RBFOX1: variants seen among roughly 807,000 people sequenced by gnomAD.
The protein encoded by RBFOX1 is RNA binding fox-1 homolog 1.
In RBFOX1, 8 loss-of-function variants were observed where a neutral mutation model predicts 57.7. That is an observed-to-expected ratio of 0.14 (90% CI 0.08 to 0.25). The LOEUF is 0.25. Among genes scored for constraint, RBFOX1 ranks in the 10% least tolerant of loss-of-function variants. The probability of loss-of-function intolerance (pLI) is 1.00; values close to 1 mark genes in which losing one functional copy is unlikely to be tolerated. For synonymous variants in RBFOX1, 326 were observed against 222.4 expected (o/e 1.47, Z -4.15); for missense variants, 611 against 548.5 (o/e 1.11, Z -1.14).
intron 1 of RBFOX1, among the ~76,000 whole-genome samples, chr16:5,408,092 T>C (rs1795626309): frequency 6.6e-6 from 1 of 152,176 alleles, no homozygotes; most frequent in Non-Finnish European, 1.5e-5. Context: ...TAGTGAATTA[T>C]CTTTGATGTG....
intron 2 of RBFOX1, among the ~76,000 whole-genome samples, chr16:6,626,529 G>A (rs1242825417): frequency 6.6e-6 from 1 of 152,206 alleles, no homozygotes; most frequent in Non-Finnish European, 1.5e-5. Flanking sequence ...GGAGGCCGAG[G>A]CAGGCGGATC....
intron 4 of RBFOX1, among the ~76,000 whole-genome samples, chr16:7,159,064 C>T (rs2077736596): frequency 6.6e-6 from 1 of 151,904 alleles, no homozygotes; most frequent in South Asian, 2.1e-4. Flanking sequence ...ACCTGTTCTT[C>T]ACTTCTGAAG....
At chr16:5,727,569 C>G (rs182164182) in intron 3 of RBFOX1, among the ~76,000 whole-genome samples, 2 of 152,136 alleles carry the variant, frequency 1.3e-5, no homozygotes, top group Non-Finnish European at 2.9e-5. Flanking sequence ...GATGTATATC[C>G]GGTCTCCAGA....
rs75315864 is a variant in RBFOX1, at chr16:7,322,333, C to A, written c.28-195814C>A. On this transcript the variant is annotated intron_variant, in intron 4 of 15. Transcript: ENST00000550418. ...TGCCACCTTGAAAACCTGCCCCCTG[C>A]CAAGCTGTGGTGAATGCTGACTGGC... 2.2e-4 allele frequency among the ~76,000 whole-genome samples: 34 copies of A among 152,362 alleles called. No homozygotes were observed. In the East Asian group the frequency reaches 6.0e-3, roughly 27 times the overall value.
At chr16:7,435,045 T>C (rs555795392) in intron 4 of RBFOX1, among the ~76,000 whole-genome samples, 28 of 152,214 alleles carry the variant, frequency 1.8e-4, no homozygotes, top group Non-Finnish European at 2.1e-4. Flanking sequence ...ATTTTACATA[T>C]GGTACGTTTA....
intron 4 of RBFOX1, among the ~76,000 whole-genome samples, chr16:7,286,185 T>C (rs1265528049): frequency 6.6e-6 from 1 of 152,184 alleles, no homozygotes; most frequent in Non-Finnish European, 1.5e-5. Context: ...GTAAATCATG[T>C]TCAGAATGTC....
At chr16:6,471,261 A>C (rs1230530663) in intron 2 of RBFOX1, among the ~76,000 whole-genome samples, 1 of 152,178 alleles carries the variant, frequency 6.6e-6, no homozygotes, top group Non-Finnish European at 1.5e-5. Context: ...GATCCAACTC[A>C]AGCATCATCA....
At chr16:5,768,966 A>T (rs1328758155) in intron 3 of RBFOX1, among the ~76,000 whole-genome samples, 1 of 152,116 alleles carries the variant, frequency 6.6e-6, no homozygotes, top group African/African-American at 2.4e-5. Context: ...AGGCAGTGGG[A>T]TAGAGAAGAA....
intron 3 of RBFOX1, among the ~76,000 whole-genome samples, chr16:5,637,972 C>T (rs903787600): frequency 1.3e-5 from 2 of 152,240 alleles, no homozygotes; most frequent in African/African-American, 4.8e-5. Context: ...AGTATTTCTA[C>T]TCTGATGATG....
At chr16:5,351,218 C>G (rs1393298874) in intron 1 of RBFOX1, among the ~76,000 whole-genome samples, 2 of 152,216 alleles carry the variant, frequency 1.3e-5, no homozygotes, top group African/African-American at 4.8e-5. Context: ...GTGCCAGACA[C>G]TGCCTGAAGC....
chr16:6,849,654 G>T (rs531288919), intron 3 of RBFOX1, among the ~76,000 whole-genome samples: 1 of 152,102 alleles, frequency 6.6e-6, no homozygotes, highest in South Asian at 2.1e-4. Context: ...GGGCAAGAAA[G>T]CAAGACTCCA....
intron 2 of RBFOX1, among the ~76,000 whole-genome samples, chr16:6,572,863 G>A (rs1448934977): frequency 2.0e-5 from 3 of 152,108 alleles, no homozygotes; most frequent in Middle Eastern, 3.2e-3. Flanking sequence ...CAAAGTGTTG[G>A]GATTTCAGGA....
chr16:5,620,853 A>AT (rs1330847830), intron 3 of RBFOX1, among the ~76,000 whole-genome samples: 2 of 151,664 alleles, frequency 1.3e-5, no homozygotes, highest in Non-Finnish European at 2.9e-5. Flanking sequence ...TTTTATTTGT[A>AT]TTTTTTTGAG....
chr16:6,823,093 C>G (rs1449824192), intron 3 of RBFOX1, among the ~76,000 whole-genome samples: 1 of 152,042 alleles, frequency 6.6e-6, no homozygotes, highest in Non-Finnish European at 1.5e-5. Context: ...AGATGGGAGA[C>G]TGAGCATCAG....
intron 2 of RBFOX1, among the ~76,000 whole-genome samples, chr16:5,509,915 G>A (rs963016563): frequency 6.6e-6 from 1 of 152,200 alleles, no homozygotes. Flanking sequence ...AAGAGAGTTT[G>A]CTTGTCCTTG....
At chr16:6,345,649 G>T (rs2085266276) in intron 2 of RBFOX1, among the ~76,000 whole-genome samples, 1 of 152,126 alleles carries the variant, frequency 6.6e-6, no homozygotes, top group African/African-American at 2.4e-5. Flanking sequence ...AGGATGTGTT[G>T]GGAGCAAACT....
intron 4 of RBFOX1, among the ~76,000 whole-genome samples, chr16:5,923,343 G>T (rs541972450): frequency 6.6e-6 from 1 of 152,070 alleles, no homozygotes; most frequent in Admixed American, 6.5e-5. Context: ...TCAGAACAAG[G>T]CTGGAAGGGG....
rs574993466 is a variant in RBFOX1 at position 7,493,358 on chromosome 16, T to G, written c.28-24789T>G. Among the ~76,000 whole-genome samples, 4 of 152,328 alleles carry G rather than the reference T, an allele frequency of 2.6e-5. No homozygotes were observed. The East Asian group carries it at 7.7e-4, about 29-fold the overall frequency. ...TCTCAGCAAGTTTTATTGGACAGTC[T>G]TCCCCTAGAATCATTGCAATAGACT... On this transcript the variant is annotated intron_variant, in intron 4 of 15. Coordinates refer to ENST00000550418, the MANE Select transcript of RBFOX1 (RefSeq NM_018723.4).
chr16:6,773,201 T>G (rs1158259163), intron 3 of RBFOX1, among the ~76,000 whole-genome samples: 20 of 66,646 alleles, frequency 3.0e-4, no homozygotes, highest in South Asian at 4.9e-4. Flanking sequence ...TGGGGTGCAT[T>G]TGTGTGTGAG....
Sources: gnomAD v4.1 joint callset for allele counts (sites outside exome capture counted in the v4.1 genomes callset) on GRCh38, gnomAD v4.1.1 for gene constraint, MANE v1.5 for transcripts, NCBI Gene and HGNC (gene_info 2026-07-23, HGNC 2026-07-21) for gene names.